The following PIGN variants were observed in gnomAD, a reference collection of about 807,000 sequenced individuals.
PIGN encodes GPI ethanolamine phosphate transferase 1.
In PIGN, 117 loss-of-function variants were observed where a neutral mutation model predicts 125.4. That is an observed-to-expected ratio of 0.93 (90% CI 0.80 to 1.09). The LOEUF (loss-of-function observed/expected upper bound fraction) is 1.09, where lower values mean the gene tolerates loss of function less well. PIGN is among the 50% of genes least tolerant of loss of function. The pLI is 0.00. For missense variants in PIGN, 1,075 were observed against 1,094.9 expected (o/e 0.98, Z 0.26); for synonymous variants, 392 against 377.8 (o/e 1.04, Z -0.44).
At chr18:62,159,168 T>A (rs1230163961) in intron 4 of PIGN, among the ~76,000 whole-genome samples, 1 of 152,136 alleles carries the variant, frequency 6.6e-6, no homozygotes, top group Non-Finnish European at 1.5e-5. Flanking sequence ...CGCTTGAACC[T>A]GGGAGGCAGA....
At chr18:62,095,784 A>G (rs2034154371) in intron 23 of PIGN, 64 bp downstream of exon 23, 2 of 854,860 alleles carry the variant, frequency 2.3e-6, no homozygotes, top group South Asian at 3.1e-5. Flanking sequence ...ATACTAATAG[A>G]GAAAATATCA....
intron 7 of PIGN, among the ~76,000 whole-genome samples, chr18:62,148,887 T>C (rs7232010): frequency 0.57 from 87,172 of 151,836 alleles, 25,749 homozygotes; most frequent in East Asian, 0.72. Context: ...TAATAAAATA[T>C]TACTTGGCAG....
At chr18:62,155,773 T>C (rs11152333) in intron 6 of PIGN, among the ~76,000 whole-genome samples, 7,157 of 152,138 alleles carry the variant, frequency 0.047, 569 homozygotes, top group African/African-American at 0.17. Context: ...CTCCCATCCA[T>C]TGTAGCCAGA....
chr18:62,045,735 A>G lies in PIGN; in HGVS notation c.*121T>C, dbSNP rs765123350. 9.4e-5 allele frequency: 86 copies of G among 912,970 alleles called. No homozygotes were observed. The highest frequency in any genetic ancestry group is 1.3e-4 in the Non-Finnish European group (83 of 636,048). The allele number at this position is 912,970 out of a possible 1,614,324, so 56.6% of individuals were successfully genotyped here. A position where few individuals can be genotyped will look rare whatever the true frequency, so the allele number is the denominator to read the frequency against. ...CTGTCAATTCGGAATTCCAAATACCATTTTCCTTACAGGAGTAGAATATAC... is the reference window on the plus strand; with the variant it reads ...CTGTCAATTCGGAATTCCAAATACCGTTTTCCTTACAGGAGTAGAATATAC... On this transcript the variant is annotated 3_prime_UTR_variant, in exon 31 of 31. Transcript: ENST00000640252.
chr18:62,168,933 G>A (rs143599932), intron 1 of PIGN, among the ~76,000 whole-genome samples: 207 of 141,128 alleles, frequency 1.5e-3, no homozygotes, highest in South Asian at 8.2e-3. Flanking sequence ...TCAGCTCACC[G>A]CAACCTCCGC....
At chr18:62,157,895 A>G in intron 4 of PIGN, 87 bp from the exon 5 acceptor site, 1 of 1,257,358 alleles carries the variant, frequency 8.0e-7, no homozygotes, top group East Asian at 2.6e-5. Flanking sequence ...TTATTACAGA[A>G]GGAATCAAAA....
At chr18:62,110,212 G>C in intron 16 of PIGN, 1 of 392,556 alleles carries the variant, frequency 2.5e-6, no homozygotes, top group Non-Finnish European at 4.6e-6. Context: ...CAACTTAAAA[G>C]TGACTATGGC....
At chr18:62,091,659 C>A (rs2033967720) in intron 23 of PIGN, among the ~76,000 whole-genome samples, 1 of 152,076 alleles carries the variant, frequency 6.6e-6, no homozygotes, top group Non-Finnish European at 1.5e-5. Context: ...AAAATGGACA[C>A]AAAAACAAAG....
chr18:62,089,103 T>C (rs2033845450), intron 24 of PIGN, among the ~76,000 whole-genome samples: 1 of 152,130 alleles, frequency 6.6e-6, no homozygotes, highest in Non-Finnish European at 1.5e-5. Context: ...AAAGTGAGAA[T>C]TGAGTTTTTT....
At chr18:62,131,452 CCTT>C (rs5825478) in intron 14 of PIGN, among the ~76,000 whole-genome samples, 48,748 of 151,634 alleles carry the variant, frequency 0.32, 8,638 homozygotes, top group East Asian at 0.55. Flanking sequence ...TGTTTTTCCT[CCTT>C]TTACAGATGG....
chr18:62,136,737 T>C (rs760529685), intron 14 of PIGN: 12 of 209,986 alleles, frequency 5.7e-5, no homozygotes, highest in Non-Finnish European at 1.0e-4. Flanking sequence ...TTAAGATTCA[T>C]AGATAAAACA....
intron 22 of PIGN, among the ~76,000 whole-genome samples, chr18:62,099,778 A>C (rs1461000428): frequency 1.3e-5 from 2 of 152,106 alleles, no homozygotes; most frequent in Non-Finnish European, 2.9e-5. Context: ...ACAATAAAAC[A>C]AGACACTTAT....
chr18:62,180,078 G>A (rs951769216), intron 1 of PIGN, among the ~76,000 whole-genome samples: 1 of 152,142 alleles, frequency 6.6e-6, no homozygotes, highest in African/African-American at 2.4e-5. Context: ...TTATGGTAAA[G>A]GTGGAGATTT....
In PIGN at chr18:62,136,887, T is replaced by C. The variant is rs114945735; in HGVS notation, c.1172+1356A>G. 557 of 391,304 alleles carry C rather than the reference T, an allele frequency of 1.4e-3. 1 individual carries two copies. The highest frequency in any genetic ancestry group is 0.011 in the African/African-American group (523 of 48,564). The allele number at this position is 391,304 out of a possible 1,614,324, so 24.2% of individuals were successfully genotyped here. ...CCTTTCCTGATGCAAGGAAAACACA[T>C]CTTCCTGGACCTGGGACAGCAAAAT... On this transcript the variant is annotated intron_variant, in intron 14 of 30. Transcript: ENST00000640252.
intron 14 of PIGN, among the ~76,000 whole-genome samples, chr18:62,122,781 C>A (rs1024984477): frequency 6.6e-6 from 1 of 152,064 alleles, no homozygotes; most frequent in South Asian, 2.1e-4. Flanking sequence ...AACATTGACA[C>A]CAAAGAGTTT....
rs922918392 is a variant in PIGN, at chr18:62,042,832, T to C, written c.*3024A>G. ...AGGAGGCTGAGGTGGCAGGATCACTTGAGCCCAGGAGGCAGAGGTTGCAGT... is the reference window on the plus strand; with the variant it reads ...AGGAGGCTGAGGTGGCAGGATCACTCGAGCCCAGGAGGCAGAGGTTGCAGT... On this transcript the variant is annotated 3_prime_UTR_variant, in exon 31 of 31. Coordinates refer to ENST00000640252, the MANE Select transcript of PIGN (RefSeq NM_176787.5). The C allele has an allele frequency of 6.6e-6, 1 of 151,894 alleles. No individual in the cohort carries two copies. Among genetic ancestry groups the C allele is most frequent in the Non-Finnish European group, 1.5e-5 (1 of 68,016 alleles). 9.4% of individuals were successfully genotyped at this position (151,894 alleles called of 1,614,324 possible).
chr18:62,157,856 C>T (rs1457334627), intron 4 of PIGN, 48 bp from the exon 5 acceptor site: 1 of 1,511,424 alleles, frequency 6.6e-7, no homozygotes, highest in Non-Finnish European at 9.1e-7. Flanking sequence ...TGATTAGATA[C>T]TCTCACATAA....
chr18:62,137,103 G>T (rs942907817), intron 14 of PIGN: 1 of 398,654 alleles, frequency 2.5e-6, no homozygotes, highest in Non-Finnish European at 4.4e-6. Context: ...CTAATCAGCT[G>T]CCAGCACAGC....
intron 5 of PIGN, 94 bp from the exon 6 acceptor site, chr18:62,157,321 A>G: frequency 1.6e-6 from 1 of 618,024 alleles, no homozygotes; most frequent in Non-Finnish European, 2.8e-6. Flanking sequence ...TACATTAGTC[A>G]GTGAATAAAT....
Sources: gnomAD v4.1 joint callset for allele counts (sites outside exome capture counted in the v4.1 genomes callset) on GRCh38, gnomAD v4.1.1 for gene constraint, MANE v1.5 for transcripts, NCBI Gene and HGNC (gene_info 2026-07-23, HGNC 2026-07-21) for gene names.